Variants in CUBN observed in about 807,000 individuals in gnomAD.
CUBN encodes 460 kDa receptor.
In CUBN, 282 loss-of-function variants were observed where a neutral mutation model predicts 405.3. The observed-to-expected ratio is 0.70, with a 90% confidence interval of 0.63 to 0.77. The LOEUF (loss-of-function observed/expected upper bound fraction) is 0.77, where lower values mean the gene tolerates loss of function less well. Ranked by LOEUF, CUBN falls within the 30% of genes least tolerant of loss-of-function variation. The probability of loss-of-function intolerance (pLI) is 0.00; values close to 1 mark genes in which losing one functional copy is unlikely to be tolerated. For synonymous variants in CUBN, 1,684 were observed against 1,617.0 expected (o/e 1.04, Z -0.99); for missense variants, 4,514 against 4,475.2 (o/e 1.01, Z -0.25).
intron 60 of CUBN, among the ~76,000 whole-genome samples, chr10:16,849,483 C>T (rs1039899480): frequency 6.6e-6 from 1 of 152,164 alleles, no homozygotes; most frequent in East Asian, 1.9e-4. Context: ...CCATTCTCTG[C>T]CCACTGCAGT....
chr10:16,898,392 G>A (rs1325557934), intron 54 of CUBN, among the ~76,000 whole-genome samples: 4 of 152,138 alleles, frequency 2.6e-5, no homozygotes, highest in African/African-American at 7.2e-5. Context: ...GACATGAATG[G>A]AGGGGCTAAC....
intron 48 of CUBN, among the ~76,000 whole-genome samples, chr10:16,910,892 G>A (rs1841711538): frequency 6.6e-6 from 1 of 151,926 alleles, no homozygotes; most frequent in Admixed American, 6.6e-5. Flanking sequence ...ATTTCCTTGG[G>A]GAGCCGCAAG....
intron 59 of CUBN, among the ~76,000 whole-genome samples, chr10:16,860,541 A>AC (rs1839984841): frequency 6.6e-6 from 1 of 152,216 alleles, no homozygotes; most frequent in African/African-American, 2.4e-5. Context: ...CTCTTATCTG[A>AC]CTACCTACTG....
chr10:17,046,120 T>G (rs753780445), intron 23 of CUBN, 26 bp from the exon 24 acceptor site: 2 of 1,603,542 alleles, frequency 1.2e-6, no homozygotes, highest in Admixed American at 3.3e-5. Context: ...AATTAAAATT[T>G]ATTGGGTTAC....
At chr10:17,040,910 G>T in intron 27 of CUBN, 123 bp downstream of exon 27, 1 of 818,068 alleles carries the variant, frequency 1.2e-6, no homozygotes, top group Non-Finnish European at 2.1e-6. Flanking sequence ...ATGGGTGGTT[G>T]GTGTGTTATA....
Position 16,931,196 on chromosome 10 carries a change from A to G in CUBN, c.6124+1891T>C, listed in dbSNP as rs575039279. 1.9e-4 allele frequency among the ~76,000 whole-genome samples: 29 copies of G among 152,022 alleles called. No individual in the cohort carries two copies. In the South Asian group the frequency reaches 4.8e-3, roughly 25 times the overall value. On this transcript the variant is annotated intron_variant, in intron 40 of 66. Coordinates refer to ENST00000377833, the MANE Select transcript of CUBN (RefSeq NM_001081.4). The stretch of plus-strand genomic sequence containing the variant: ...GGAGAATGGCATGAACCCGGGAGGC[A>G]GAGTTTGCAGTGAGCCAAGATAGCG...
At chr10:16,979,948 C>G (rs1371619025) in intron 31 of CUBN, among the ~76,000 whole-genome samples, 1 of 152,036 alleles carries the variant, frequency 6.6e-6, no homozygotes, top group Non-Finnish European at 1.5e-5. Context: ...ATCCAGCTGA[C>G]AAAGGGCTAA....
At chr10:17,029,017 C>A (rs1025134745) in intron 27 of CUBN, among the ~76,000 whole-genome samples, 2 of 152,180 alleles carry the variant, frequency 1.3e-5, no homozygotes, top group Non-Finnish European at 2.9e-5. Flanking sequence ...GCAGAGCAAC[C>A]TGAGGTCAAC....
intron 59 of CUBN, among the ~76,000 whole-genome samples, chr10:16,855,840 C>T (rs1839854714): frequency 6.6e-6 from 1 of 152,148 alleles, no homozygotes; most frequent in African/African-American, 2.4e-5. Context: ...AAGTGAATAT[C>T]ATATTACATG....
rs1020343547 is a variant in CUBN at position 17,029,588 on chromosome 10, T to G, written c.4018-9605A>C. Among the ~76,000 whole-genome samples, 5 of 152,244 alleles carry G rather than the reference T, an allele frequency of 3.3e-5. No homozygotes were observed. In the East Asian group the frequency reaches 9.6e-4, roughly 29 times the overall value. Reference sequence around the variant, plus strand: ...TTTGGTAAACTCTTCCCAGCTTTTATGCATGTTTTTGAATAGCAGCTGAAC... The same window carrying G: ...TTTGGTAAACTCTTCCCAGCTTTTAGGCATGTTTTTGAATAGCAGCTGAAC... On this transcript the variant is annotated intron_variant, in intron 27 of 66. Transcript: ENST00000377833.
At chr10:17,103,957 G>C (rs1836559895) in intron 12 of CUBN, among the ~76,000 whole-genome samples, 2 of 152,166 alleles carry the variant, frequency 1.3e-5, no homozygotes, top group East Asian at 3.9e-4. Context: ...TGAAAAAAAA[G>C]GTTAGATGGA....
At chr10:16,960,682 T>C (rs954592088) in intron 31 of CUBN, among the ~76,000 whole-genome samples, 2 of 152,246 alleles carry the variant, frequency 1.3e-5, no homozygotes, top group African/African-American at 4.8e-5. Context: ...AGGAAAACCC[T>C]GAGTTAAGAA....
rs1564500867 is a variant in CUBN at position 17,065,617 on chromosome 10, CG to C, written c.3029del (p.Pro1010ArgfsTer11). The C allele has an allele frequency of 6.2e-7, 1 of 1,613,314 alleles. No homozygotes were observed. Among genetic ancestry groups the C allele is most frequent in the Admixed American group, 1.7e-5 (1 of 59,982 alleles). Reference protein sequence around the residue: ...SLGRYCGKSIPPSLTSSGNSL... With the variant: ...SLGRYCGKSIXPSLTSSGNSL... The stretch of plus-strand genomic sequence containing the variant: ...AGTTACCACTGCTTGTGAGAGATGG[CG>C]GGATCGACTTTCCACAGTATCTATT... On this transcript the variant is annotated frameshift_variant, in exon 22 of 67. Coordinates refer to ENST00000377833, the MANE Select transcript of CUBN (RefSeq NM_001081.4). LOFTEE classifies it high-confidence loss of function.
chr10:17,001,412 T>C (rs1277889787), intron 28 of CUBN, among the ~76,000 whole-genome samples: 1 of 152,196 alleles, frequency 6.6e-6, no homozygotes, highest in Non-Finnish European at 1.5e-5. Flanking sequence ...AGAGTGCTGA[T>C]TGGTCCGTTT....
chr10:17,032,512 A>C (rs567938795), intron 27 of CUBN, among the ~76,000 whole-genome samples: 121 of 152,290 alleles, frequency 7.9e-4, no homozygotes, highest in African/African-American at 2.2e-3. Flanking sequence ...TCCTGTGAGC[A>C]TACTTATACT....
At chr10:17,109,536 A>G in intron 10 of CUBN, 104 bp downstream of exon 10, 1 of 987,072 alleles carries the variant, frequency 1.0e-6, no homozygotes, top group Non-Finnish European at 1.6e-6. Context: ...TTTGAAGGTC[A>G]AAATAACAAT....
intron 31 of CUBN, among the ~76,000 whole-genome samples, chr10:16,979,024 C>T (rs1161424812): frequency 6.6e-6 from 1 of 152,156 alleles, no homozygotes; most frequent in African/African-American, 2.4e-5. Flanking sequence ...GTGCAAAAAT[C>T]ACAAGCATTC....
At chr10:17,005,734 T>C (rs984165263) in intron 28 of CUBN, among the ~76,000 whole-genome samples, 1 of 152,218 alleles carries the variant, frequency 6.6e-6, no homozygotes, top group Non-Finnish European at 1.5e-5. Context: ...GCCTACTCTA[T>C]GACTAACTCC....
chr10:16,984,849 C>T lies in CUBN; in HGVS notation c.4351-570G>A, dbSNP rs74429560. On this transcript the variant is annotated intron_variant, in intron 29 of 66. Coordinates refer to ENST00000377833, the MANE Select transcript of CUBN (RefSeq NM_001081.4). The stretch of plus-strand genomic sequence containing the variant: ...CTAAGACCACACATTGAATATAACA[C>T]GTATGCTTCTTTAGGAGGAGTGGAA... Among the ~76,000 whole-genome samples, 694 of 152,304 alleles carry T rather than the reference C, an allele frequency of 4.6e-3. 5 individuals are homozygous for T. Among genetic ancestry groups the T allele is most frequent in the African/African-American group, 0.016 (663 of 41,552 alleles).
Sources: gnomAD v4.1 joint callset for allele counts (sites outside exome capture counted in the v4.1 genomes callset) on GRCh38, gnomAD v4.1.1 for gene constraint, MANE v1.5 for transcripts, NCBI Gene and HGNC (gene_info 2026-07-23, HGNC 2026-07-21) for gene names.